Variants in SYN3 observed in about 807,000 individuals in gnomAD.
SYN3 encodes the protein synapsin III.
A neutral mutation model predicts 65.8 loss-of-function variants in SYN3; 35 were observed. The observed-to-expected ratio is 0.53, with a 90% CI of 0.41 to 0.70. The LOEUF (loss-of-function observed/expected upper bound fraction) is 0.70, where lower values mean the gene tolerates loss of function less well. SYN3 is among the 30% of genes least tolerant of loss of function. The pLI is 0.00. For missense variants in SYN3, 680 were observed against 749.0 expected, an observed-to-expected ratio of 0.91 and a Z score of 1.08; for synonymous variants, 270 against 292.9, an observed-to-expected ratio of 0.92 and a Z score of 0.80.
At chr22:32,898,957 C>T (rs1035408227) in intron 4 of SYN3, among the ~76,000 whole-genome samples, 1 of 152,140 alleles carries the variant, frequency 6.6e-6, no homozygotes, top group Non-Finnish European at 1.5e-5. Flanking sequence ...AAAAAATTAG[C>T]TGGATGTGGT....
intron 6 of SYN3, among the ~76,000 whole-genome samples, chr22:32,750,843 C>T (rs1161106052): frequency 6.6e-6 from 1 of 151,978 alleles, no homozygotes; most frequent in Non-Finnish European, 1.5e-5. Context: ...GCACAGTTGC[C>T]TAAGGTAACT....
At chr22:32,963,958 CCCTTGCTTTT>C (rs2146901442) in intron 3 of SYN3, among the ~76,000 whole-genome samples, 1 of 152,218 alleles carries the variant, frequency 6.6e-6, no homozygotes, top group South Asian at 2.1e-4. Flanking sequence ...CCTCTGCTTT[CCCTTGCTTTT>C]CCTGGCAGCA....
intron 7 of SYN3, among the ~76,000 whole-genome samples, chr22:32,588,815 C>T (rs1326184213): frequency 6.6e-6 from 1 of 152,148 alleles, no homozygotes; most frequent in Non-Finnish European, 1.5e-5. Flanking sequence ...ACGATGGAAA[C>T]GCTGAGGTGG....
At chr22:32,884,204 C>A (rs1601618637) in intron 4 of SYN3, among the ~76,000 whole-genome samples, 1 of 152,228 alleles carries the variant, frequency 6.6e-6, no homozygotes. Flanking sequence ...ACTGCTGGAG[C>A]ATGAACTACC....
intron 7 of SYN3, among the ~76,000 whole-genome samples, chr22:32,596,397 C>T (rs1257553887): frequency 6.6e-6 from 1 of 152,210 alleles, no homozygotes; most frequent in Non-Finnish European, 1.5e-5. Context: ...AAATGCTCTA[C>T]ATCTCTTTCT....
At chr22:32,647,183 C>T (rs1475152288) in intron 6 of SYN3, among the ~76,000 whole-genome samples, 2 of 152,070 alleles carry the variant, frequency 1.3e-5, no homozygotes, top group Non-Finnish European at 2.9e-5. Flanking sequence ...CCCAGAATGC[C>T]CCTCTGCATG....
At chr22:32,843,254 G>A (rs130306) in intron 6 of SYN3, among the ~76,000 whole-genome samples, 4 of 152,204 alleles carry the variant, frequency 2.6e-5, no homozygotes, top group Admixed American at 6.5e-5. Context: ...AGAGGCATTC[G>A]ATAAATGGTA....
intron 3 of SYN3, among the ~76,000 whole-genome samples, chr22:32,965,690 CGTT>C (rs557219196): frequency 4.6e-5 from 7 of 151,586 alleles, no homozygotes; most frequent in East Asian, 1.9e-4. Flanking sequence ...CTGGCTTTTT[CGTT>C]GTTGTTGTTG....
chr22:32,850,190 A>G (rs1193099883), intron 6 of SYN3, among the ~76,000 whole-genome samples: 1 of 151,610 alleles, frequency 6.6e-6, no homozygotes, highest in Non-Finnish European at 1.5e-5. Context: ...GGAAGGAGGT[A>G]TGCCCTTAAG....
Position 32,611,904 on chromosome 22 carries a change from C to T in SYN3, c.712-15168G>A, listed in dbSNP as rs554272367. ...TCACCAGATTGAGGCTTGAATCTTTCAGTCCCACCCTTCATCCTCTGGGAA... is the reference window on the plus strand; with the variant it reads ...TCACCAGATTGAGGCTTGAATCTTTTAGTCCCACCCTTCATCCTCTGGGAA... On this transcript the variant is annotated intron_variant, in intron 6 of 13. Transcript: ENST00000358763. Among the ~76,000 whole-genome samples, 3 of 152,290 alleles carry T rather than the reference C, an allele frequency of 2.0e-5. No individual in the cohort carries two copies. The East Asian group carries it at 5.8e-4, about 29-fold the overall frequency.
At chr22:32,980,598 G>A (rs778946493) in intron 3 of SYN3, 47 bp downstream of exon 3, 33 of 1,568,462 alleles carry the variant, frequency 2.1e-5, no homozygotes, top group Non-Finnish European at 2.7e-5. Flanking sequence ...CAGCCCCAGC[G>A]GCAGAAAAGG....
intron 13 of SYN3, among the ~76,000 whole-genome samples, chr22:32,515,041 G>A (rs1394711832): frequency 6.6e-6 from 1 of 151,976 alleles, no homozygotes; most frequent in Non-Finnish European, 1.5e-5. Context: ...AAAAACTGGG[G>A]ACTTCAACGC....
chr22:33,033,840 A>G (rs1164849085), intron 1 of SYN3, among the ~76,000 whole-genome samples: 1 of 152,178 alleles, frequency 6.6e-6, no homozygotes, highest in Non-Finnish European at 1.5e-5. Flanking sequence ...AAGCAGACGC[A>G]AGGCCAAAGC....
rs141344569 is a variant in SYN3, at chr22:32,953,687, C to T, written c.370-22206G>A. The stretch of plus-strand genomic sequence containing the variant: ...GAAGATGAGATCAGAGAGGGGATGA[C>T]GGACCAGGTCACAGCAAGGGTTTAG... On this transcript the variant is annotated intron_variant, in intron 3 of 13. Coordinates refer to ENST00000358763, the MANE Select transcript of SYN3 (RefSeq NM_003490.4). Among the ~76,000 whole-genome samples, 419 of 152,096 alleles carry T rather than the reference C, an allele frequency of 2.8e-3. 2 individuals carry two copies. Among genetic ancestry groups the T allele is most frequent in the African/African-American group, 9.8e-3 (407 of 41,444 alleles).
intron 6 of SYN3, among the ~76,000 whole-genome samples, chr22:32,822,188 T>C (rs1234154440): frequency 6.7e-6 from 1 of 148,416 alleles, no homozygotes; most frequent in Non-Finnish European, 1.5e-5. Flanking sequence ...GTTGGAGCTC[T>C]GTCTGTCTGT....
At chr22:32,938,133 AT>A (rs1445521900) in intron 3 of SYN3, among the ~76,000 whole-genome samples, 2 of 152,232 alleles carry the variant, frequency 1.3e-5, no homozygotes, top group African/African-American at 4.8e-5. Context: ...GGGAAAATAC[AT>A]TTTATATAAA....
At position 32,801,961 on chromosome 22, in the gene SYN3, A is replaced by AG. The variant is rs748382703; in HGVS notation, c.711+62953dup. On this transcript the variant is annotated intron_variant, in intron 6 of 13. Transcript: ENST00000358763. The surrounding 1 kb of genome is among the most constrained non-coding windows in gnomAD (Gnocchi z 4.7). ...CCGGCGGCGCGCACGGCAACTTTGG[A>AG]GAGGCGAGCAGCAGCCCCGGCAGCG... 15 of 1,569,036 alleles carry AG rather than the reference A, an allele frequency of 9.6e-6. No individual in the cohort carries two copies. The African/African-American group carries it at 1.6e-4, about 17-fold the overall frequency.
intron 3 of SYN3, among the ~76,000 whole-genome samples, chr22:32,966,232 G>C (rs1431103534): frequency 6.6e-6 from 1 of 152,262 alleles, no homozygotes; most frequent in African/African-American, 2.4e-5. Context: ...TGGATGGAGG[G>C]GGAGGGCAGA....
chr22:32,950,981 T>C (rs1244234578), intron 3 of SYN3, among the ~76,000 whole-genome samples: 2 of 152,146 alleles, frequency 1.3e-5, no homozygotes, highest in Admixed American at 1.3e-4. Context: ...CAGACTGATA[T>C]GTTTACTCTT....
Sources: gnomAD v4.1 joint callset for allele counts (sites outside exome capture counted in the v4.1 genomes callset) on GRCh38, gnomAD v4.1.1 for gene constraint, Gnocchi (gnomAD v3.1) non-coding constraint, MANE v1.5 for transcripts, NCBI Gene and HGNC (gene_info 2026-07-23, HGNC 2026-07-21) for gene names.